The following CSMD3 variants were observed in gnomAD, a reference collection of about 807,000 sequenced individuals.
CSMD3 encodes the protein CUB and Sushi multiple domains 3, also known as CUB and sushi domain-containing protein 3.
A neutral mutation model predicts 435.2 loss-of-function variants in CSMD3; 177 were observed. The ratio of observed to expected loss-of-function variants is 0.41; its 90% confidence interval spans 0.36 to 0.46. The LOEUF (loss-of-function observed/expected upper bound fraction) is 0.46, where lower values mean the gene tolerates loss of function less well. Ranked by LOEUF, CSMD3 falls within the 20% of genes least tolerant of loss-of-function variation. The pLI is 0.34. For missense variants in CSMD3, 4,265 were observed against 4,504.6 expected (o/e 0.95, Z 1.52); for synonymous variants, 1,656 against 1,520.5 (o/e 1.09, Z -2.07).
At chr8:113,257,957 C>T (rs2093397051) in intron 3 of CSMD3, among the ~76,000 whole-genome samples, 1 of 152,030 alleles carries the variant, frequency 6.6e-6, no homozygotes, top group Non-Finnish European at 1.5e-5. Context: ...TTTCAAGGTA[C>T]TAAGATGAAA....
chr8:113,376,087 T>C (rs191522286), intron 1 of CSMD3, among the ~76,000 whole-genome samples: 2 of 152,162 alleles, frequency 1.3e-5, no homozygotes, highest in Non-Finnish European at 2.9e-5. Flanking sequence ...CTCAAGCTCA[T>C]TGTTTTAATG....
intron 1 of CSMD3, among the ~76,000 whole-genome samples, chr8:113,374,904 C>CG (rs1202063968): frequency 6.1e-5 from 9 of 148,064 alleles, no homozygotes; most frequent in African/African-American, 2.3e-4. Flanking sequence ...AAGATTAATG[C>CG]TGCCTATACC....
intron 14 of CSMD3, among the ~76,000 whole-genome samples, chr8:112,686,792 T>C (rs1031367480): frequency 2.6e-5 from 4 of 152,094 alleles, no homozygotes; most frequent in Non-Finnish European, 4.4e-5. Flanking sequence ...GGCCTTTTAT[T>C]ACATATTTTT....
At chr8:113,042,006 A>G (rs1245417506) in intron 5 of CSMD3, among the ~76,000 whole-genome samples, 3 of 152,230 alleles carry the variant, frequency 2.0e-5, no homozygotes, top group Non-Finnish European at 2.9e-5. Context: ...GTTCTAAAAC[A>G]TACTAGAATT....
Position 113,314,528 on chromosome 8 carries a change from A to G in CSMD3, c.401+43T>C, listed in dbSNP as rs746450874. 8 of 1,189,666 alleles carry G rather than the reference A, an allele frequency of 6.7e-6. No individual in the cohort carries two copies. The East Asian group carries it at 1.4e-4, about 21-fold the overall frequency. The allele number at this position is 1,189,666 out of a possible 1,614,324, so 73.7% of individuals were successfully genotyped here. On this transcript the variant is annotated intron_variant, in intron 2 of 70. Transcript: ENST00000297405. ...TTTGTAAAATAAACTACTTTTACCC[A>G]GGAAATATTTTCTCTCCAGTCTTCC... is the stretch of plus-strand genomic sequence containing the variant.
At chr8:112,836,247 A>T (rs1040070447) in intron 11 of CSMD3, among the ~76,000 whole-genome samples, 1 of 151,874 alleles carries the variant, frequency 6.6e-6, no homozygotes, top group Non-Finnish European at 1.5e-5. Flanking sequence ...GAGAAGAAAA[A>T]TGGGTCTGGA....
intron 5 of CSMD3, among the ~76,000 whole-genome samples, chr8:113,059,742 T>G (rs1418828223): frequency 1.3e-5 from 2 of 152,110 alleles, no homozygotes; most frequent in Non-Finnish European, 2.9e-5. Flanking sequence ...AAGTTTGATC[T>G]ATTGGGAACA....
At chr8:113,246,374 T>A (rs2093276319) in intron 3 of CSMD3, among the ~76,000 whole-genome samples, 1 of 152,086 alleles carries the variant, frequency 6.6e-6, no homozygotes, top group Non-Finnish European at 1.5e-5. Context: ...GCAAATTTTT[T>A]ATTTTAGTTG....
At chr8:112,397,685 C>A (rs1389392214) in intron 35 of CSMD3, among the ~76,000 whole-genome samples, 1 of 152,072 alleles carries the variant, frequency 6.6e-6, no homozygotes, top group African/African-American at 2.4e-5. Flanking sequence ...TTCATAAGAG[C>A]ATTAATCCCA....
At chr8:113,302,227 AATATAAT>A (rs199898537) in intron 2 of CSMD3, among the ~76,000 whole-genome samples, 84,932 of 134,054 alleles carry the variant, frequency 0.63, 27,209 homozygotes, top group East Asian at 0.71. Context: ...TATATAATAT[AATATAAT>A]ATATAATATA....
chr8:112,627,662 T>C lies in CSMD3; in HGVS notation c.3715+9155A>G, dbSNP rs138958186. 1.4e-3 allele frequency among the ~76,000 whole-genome samples: 208 copies of C among 152,270 alleles called. 3 individuals carry two copies. The highest frequency in any genetic ancestry group is 4.8e-3 in the African/African-American group (201 of 41,580). On this transcript the variant is annotated intron_variant, in intron 22 of 70. Coordinates refer to ENST00000297405, the MANE Select transcript of CSMD3 (RefSeq NM_198123.2). ...ATTTTTAGGAGTCTTCTATTTTAAG[T>C]CCTCATAAAACTCAAAAATTTTTAT...
chr8:112,973,260 G>C (rs2084725101), intron 7 of CSMD3, among the ~76,000 whole-genome samples: 1 of 151,798 alleles, frequency 6.6e-6, no homozygotes, highest in Non-Finnish European at 1.5e-5. Flanking sequence ...ATAGATCAGA[G>C]GAATAAGTTT....
intron 2 of CSMD3, chr8:113,312,592 A>G (rs1163457829): frequency 6.6e-6 from 1 of 152,222 alleles, no homozygotes; most frequent in Admixed American, 6.5e-5. Context: ...AAGGCAATCT[A>G]GAGAGAATAG....
intron 60 of CSMD3, 43 bp downstream of exon 60, chr8:112,265,368 T>C (rs2130407408): frequency 7.0e-7 from 1 of 1,436,218 alleles, no homozygotes; most frequent in Non-Finnish European, 9.8e-7. Context: ...AGAAAATATG[T>C]ACTGGTTACC....
rs1294155212 is a variant in CSMD3 at position 112,267,113 on chromosome 8, T to G, written c.9509-1523A>C. Among the ~76,000 whole-genome samples, 8 of 152,130 alleles carry G rather than the reference T, an allele frequency of 5.3e-5. 1 individual carries two copies. The highest frequency in any genetic ancestry group is 1.2e-4 in the Non-Finnish European group (8 of 68,016). ...GAATGAATTAAGGCATGGAAGACCTTAAGAACACCTTAGTTACATTGTATT... is the reference window on the plus strand; with the variant it reads ...GAATGAATTAAGGCATGGAAGACCTGAAGAACACCTTAGTTACATTGTATT... On this transcript the variant is annotated intron_variant, in intron 59 of 70. Transcript: ENST00000297405.
chr8:113,347,227 T>C (rs1231799198), intron 1 of CSMD3, among the ~76,000 whole-genome samples: 2 of 152,168 alleles, frequency 1.3e-5, no homozygotes, highest in Non-Finnish European at 2.9e-5. Context: ...TTCCAACTTA[T>C]CTTCCTTTGA....
At chr8:112,408,835 T>C (rs2130072850) in intron 33 of CSMD3, 84 bp downstream of exon 33, 1 of 1,605,456 alleles carries the variant, frequency 6.2e-7, no homozygotes, top group Non-Finnish European at 8.5e-7. Context: ...ATATTGATGA[T>C]ATAAATCTCA....
chr8:113,097,082 A>G (rs2090186513), intron 5 of CSMD3, among the ~76,000 whole-genome samples: 1 of 152,074 alleles, frequency 6.6e-6, no homozygotes, highest in Non-Finnish European at 1.5e-5. Flanking sequence ...GTTCTCACCT[A>G]TAACATCCAA....
intron 32 of CSMD3, among the ~76,000 whole-genome samples, chr8:112,421,289 T>A (rs1037407235): frequency 1.3e-5 from 2 of 151,946 alleles, no homozygotes; most frequent in Admixed American, 6.6e-5. Context: ...ACACCTGTAA[T>A]CCCAGCATTT....
Sources: allele counts gnomAD v4.1 joint callset (sites outside exome capture counted in the v4.1 genomes callset), GRCh38; gene constraint gnomAD v4.1.1; transcripts MANE v1.5; gene names NCBI Gene and HGNC (gene_info 2026-07-23, HGNC 2026-07-21).